Variants in ATXN3 observed in about 807,000 individuals in gnomAD.
ATXN3 encodes ataxin 3, also known as ataxin-3.
In ATXN3, 28 loss-of-function variants were observed where a neutral mutation model predicts 58.2. The ratio of observed to expected loss-of-function variants is 0.48; its 90% confidence interval spans 0.36 to 0.66. The LOEUF is 0.66. Ranked by LOEUF, ATXN3 falls within the 30% of genes least tolerant of loss-of-function variation. ATXN3 has a pLI of 0.00. For synonymous variants in ATXN3, 113 were observed against 138.5 expected (o/e 0.82, Z 1.29); for missense variants, 321 against 422.1 (o/e 0.76, Z 2.10).
chr14:92,074,371 T>A (rs1411544910), intron 9 of ATXN3, among the ~76,000 whole-genome samples: 1 of 152,130 alleles, frequency 6.6e-6, no homozygotes, highest in African/African-American at 2.4e-5. Context: ...GCCATCTCCC[T>A]CCACTTTGGT....
At chr14:92,048,168 T>G (rs773383593) in intron 1 of ATXN3, 1 of 152,270 alleles carries the variant, frequency 6.6e-6, no homozygotes, top group Non-Finnish European at 1.5e-5. Context: ...TTCCGGCACT[T>G]GAAGCAAGAT....
chr14:92,082,553 G>A (rs2061646564), intron 7 of ATXN3, 87 bp from the exon 8 acceptor site: 20 of 1,220,330 alleles, frequency 1.6e-5, no homozygotes, highest in South Asian at 1.0e-4. Flanking sequence ...AAGGCTTTAA[G>A]TAAGTCAAAA....
chr14:92,093,336 CAAT>C lies in ATXN3; in HGVS notation c.321-21_321-19del. On this transcript the variant is annotated intron_variant, in intron 4 of 10. Coordinates refer to ENST00000644486, the MANE Select transcript of ATXN3 (RefSeq NM_004993.6). Reference sequence around the variant, plus strand: ...TTTCATTTCTAAAAAAGAAAACAGACAATATTAACTTGAAATATTGAATTCATA... The same window carrying C: ...TTTCATTTCTAAAAAAGAAAACAGACATTAACTTGAAATATTGAATTCATA... 8.4e-7 allele frequency: 1 copy of C among 1,192,678 alleles called. No individual in the cohort carries two copies. Among genetic ancestry groups the C allele is most frequent in the Non-Finnish European group, 1.2e-6 (1 of 822,130 alleles). 73.9% of individuals were successfully genotyped at this position (1,192,678 alleles called of 1,614,324 possible).
chr14:92,071,282 G>T, intron 9 of ATXN3: 1 of 764,740 alleles, frequency 1.3e-6, no homozygotes, highest in Non-Finnish European at 2.2e-6. Flanking sequence ...AAATTAAGAG[G>T]TAGGTATTTT....
At chr14:92,047,578 G>C (rs1445925584) in intron 2 of ATXN3, among the ~76,000 whole-genome samples, 1 of 152,150 alleles carries the variant, frequency 6.6e-6, no homozygotes, top group Admixed American at 6.5e-5. Context: ...GATACGAGAG[G>C]AAGAGGCGAA....
chr14:92,076,455 G>GA (rs374353802), intron 9 of ATXN3, among the ~76,000 whole-genome samples: 111 of 98,538 alleles, frequency 1.1e-3, no homozygotes, highest in South Asian at 1.7e-3. Context: ...TCTCAAAAAA[G>GA]AAAAAAAAAA....
chr14:92,087,570 G>A (rs1028619480), intron 6 of ATXN3, among the ~76,000 whole-genome samples: 1 of 152,204 alleles, frequency 6.6e-6, no homozygotes, highest in Non-Finnish European at 1.5e-5. Context: ...AATGGACAAG[G>A]CCAAGATGTG....
chr14:92,070,278 T>C (rs555621739), intron 10 of ATXN3, among the ~76,000 whole-genome samples: 1 of 152,208 alleles, frequency 6.6e-6, no homozygotes, highest in Non-Finnish European at 1.5e-5. Context: ...ATTTTTCACC[T>C]ACTAATATTC....
intron 6 of ATXN3, 198 bp from the exon 7 acceptor site, chr14:92,083,456 G>A: frequency 7.3e-6 from 5 of 682,706 alleles, no homozygotes; most frequent in Non-Finnish European, 1.3e-5. Flanking sequence ...AAGTCTCTGA[G>A]CCTCACTTTC....
chr14:92,057,334 T>C (rs1255066640), downstream of ATXN3, among the ~76,000 whole-genome samples: 1 of 151,554 alleles, frequency 6.6e-6, no homozygotes, highest in African/African-American at 2.4e-5. Context: ...GAGAATTGCT[T>C]GAACGCGGGA....
chr14:92,105,773 C>A (rs2068150417), intron 1 of ATXN3, among the ~76,000 whole-genome samples: 1 of 152,188 alleles, frequency 6.6e-6, no homozygotes, highest in South Asian at 2.1e-4. Context: ...AAAGGGACAG[C>A]AGGCTAGGCA....
chr14:92,066,538 T>C (rs1450890672), intron 10 of ATXN3, among the ~76,000 whole-genome samples: 2 of 152,040 alleles, frequency 1.3e-5, no homozygotes, highest in African/African-American at 2.4e-5. Context: ...ATCGTTAATT[T>C]TCCCTTCACT....
chr14:92,105,713 T>C (rs939764432), intron 1 of ATXN3, among the ~76,000 whole-genome samples: 1 of 152,198 alleles, frequency 6.6e-6, no homozygotes, highest in Non-Finnish European at 1.5e-5. Context: ...ACGAGGAGTT[T>C]CTTTACATAT....
chr14:92,047,344 C>G (rs1382659014), intron 2 of ATXN3, among the ~76,000 whole-genome samples: 1 of 152,168 alleles, frequency 6.6e-6, no homozygotes, highest in Non-Finnish European at 1.5e-5. Flanking sequence ...GGTTTTTGAA[C>G]AGGTAAAATG....
intron 1 of ATXN3, 93 bp downstream of exon 1, chr14:92,106,436 C>A: frequency 6.5e-7 from 1 of 1,540,050 alleles, no homozygotes. Context: ...GGGGGCGACT[C>A]GGGCCCCACC....
chr14:92,079,567 T>C (rs1325720874), intron 9 of ATXN3: 17 of 310,060 alleles, frequency 5.5e-5, no homozygotes, highest in Non-Finnish European at 8.1e-5. Context: ...ATACTGTCAA[T>C]TATGACTGTA....
At chr14:92,082,534 T>G in intron 7 of ATXN3, 68 bp from the exon 8 acceptor site, 1 of 1,419,074 alleles carries the variant, frequency 7.0e-7, no homozygotes, top group Non-Finnish European at 9.5e-7. Flanking sequence ...TAAAGGCATT[T>G]GTAATGTAAA....
At chr14:92,102,109 C>G (rs111901666) in intron 1 of ATXN3, among the ~76,000 whole-genome samples, 9 of 151,262 alleles carry the variant, frequency 5.9e-5, no homozygotes, top group African/African-American at 2.2e-4. Context: ...GCTGAGTTCG[C>G]GCCACTGCAC....
chr14:92,056,366 G>T (rs1246010537), downstream of ATXN3, among the ~76,000 whole-genome samples: 1 of 152,090 alleles, frequency 6.6e-6, no homozygotes, highest in Non-Finnish European at 1.5e-5. Flanking sequence ...AAAAGCTACT[G>T]GTTTTCTTTG....
Sources: allele counts gnomAD v4.1 joint callset (sites outside exome capture counted in the v4.1 genomes callset), GRCh38; gene constraint gnomAD v4.1.1; transcripts MANE v1.5; gene names NCBI Gene and HGNC (gene_info 2026-07-23, HGNC 2026-07-21).